PDE11A: variants seen among roughly 807,000 people sequenced by gnomAD.
PDE11A encodes the protein phosphodiesterase 11A.
In PDE11A, 100 loss-of-function variants were observed where a neutral mutation model predicts 100.5. The ratio of observed to expected loss-of-function variants is 1.00; its 90% confidence interval spans 0.85 to 1.18. The LOEUF (loss-of-function observed/expected upper bound fraction) is 1.18. Ranked by LOEUF, PDE11A falls within the 50% of genes most tolerant of loss-of-function variation. PDE11A has a pLI of 0.00. For synonymous variants in PDE11A, 381 were observed against 420.8 expected (o/e 0.91, Z 1.16); for missense variants, 1,141 against 1,152.6 (o/e 0.99, Z 0.15).
chr2:177,819,848 C>A (rs1391857697), intron 7 of PDE11A, among the ~76,000 whole-genome samples: 1 of 76,434 alleles, frequency 1.3e-5, no homozygotes, highest in African/African-American at 4.5e-5. Flanking sequence ...GAAGTCATTT[C>A]TCTTTCTCTC....
chr2:177,669,872 T>G (rs1375482504), intron 17 of PDE11A, among the ~76,000 whole-genome samples: 1 of 152,218 alleles, frequency 6.6e-6, no homozygotes, highest in East Asian at 1.9e-4. Flanking sequence ...GGAAAAGTTC[T>G]TATACAGAAA....
Position 177,898,100 on chromosome 2 carries a change from A to C in PDE11A, c.1260T>G (p.Cys420Trp). ...IMHRAQTLLK[C>W]ERCSVLLLED... ...CTAGGAGTAAAACAGAACAGCGTTC[A>C]CATTTCAGCAGAGTTTGGGCCCGAT... Residue 420 changes from cysteine (C) to tryptophan (W), a missense_variant, in exon 4 of 20, where the codon TGT becomes TGG. Physicochemically the swap from Cys to Trp is radical, Grantham distance 215. Coordinates refer to ENST00000286063, the MANE Select transcript of PDE11A (RefSeq NM_016953.4). 6.2e-7 allele frequency: 1 copy of C among 1,612,892 alleles called. No individual in the cohort carries two copies. The highest frequency in any genetic ancestry group is 8.5e-7 in the Non-Finnish European group (1 of 1,178,888).
chr2:177,983,997 AT>A (rs1476540513), intron 2 of PDE11A, among the ~76,000 whole-genome samples: 1 of 152,220 alleles, frequency 6.6e-6, no homozygotes, highest in African/African-American at 2.4e-5. Context: ...AATTAGCAAT[AT>A]ACCTTCTCTT....
rs1041693774 is a variant in PDE11A at position 177,625,777 on chromosome 2, T to C, written c.*3630A>G. 3.9e-5 allele frequency: 6 copies of C among 152,446 alleles called. No homozygotes were observed. Among genetic ancestry groups the C allele is most frequent in the Non-Finnish European group, 8.8e-5 (6 of 68,030 alleles). 9.4% of individuals were successfully genotyped at this position (152,446 alleles called of 1,614,324 possible). A position where few individuals can be genotyped will look rare whatever the true frequency, so the allele number is the denominator to read the frequency against. On this transcript the variant is annotated 3_prime_UTR_variant, in exon 20 of 20. Transcript: ENST00000286063. ...GGATAACTGCATATGCCTCACATTC[T>C]TGCAAAATTATAAATTGTTTAGAAA...
chr2:178,077,052 C>A (rs1197145566), upstream of PDE11A, among the ~76,000 whole-genome samples: 1 of 152,080 alleles, frequency 6.6e-6, no homozygotes, highest in Non-Finnish European at 1.5e-5. Flanking sequence ...GAGGGTAAGC[C>A]CAATATGCAA....
At chr2:177,786,520 G>C (rs1201061846) in intron 9 of PDE11A, among the ~76,000 whole-genome samples, 1 of 152,126 alleles carries the variant, frequency 6.6e-6, no homozygotes, top group Non-Finnish European at 1.5e-5. Flanking sequence ...CACCAGCAAC[G>C]GAACAAAGCT....
intron 5 of PDE11A, among the ~76,000 whole-genome samples, chr2:177,875,446 C>A (rs545267412): frequency 6.6e-6 from 1 of 151,746 alleles, no homozygotes; most frequent in African/African-American, 2.4e-5. Context: ...GGCACAATCT[C>A]GGCTCACTGC....
Position 177,649,540 on chromosome 2 carries a change from T to C in PDE11A, c.2646+14326A>G, listed in dbSNP as rs2080278475. Among the ~76,000 whole-genome samples, 5 of 152,292 alleles carry C rather than the reference T, an allele frequency of 3.3e-5. No individual in the cohort carries two copies. The South Asian group carries it at 1.0e-3, about 32-fold the overall frequency. The stretch of plus-strand genomic sequence containing the variant: ...ATATGGAGCAGGATATACACTATGC[T>C]CATATATGTTCATAGATACATATGC... On this transcript the variant is annotated intron_variant, in intron 19 of 19. Coordinates refer to ENST00000286063, the MANE Select transcript of PDE11A (RefSeq NM_016953.4).
chr2:177,840,339 A>G lies in PDE11A; in HGVS notation c.1412T>C (p.Ile471Thr), dbSNP rs750217364. The G allele has an allele frequency of 5.6e-6, 9 of 1,613,532 alleles. No homozygotes were observed. The South Asian group carries it at 6.6e-5, about 12-fold the overall frequency. The change falls in exon 6 of 20, where the codon ATA becomes ACA. Residue 471 changes from isoleucine (I) to threonine (T), a missense_variant. Physicochemically the swap from Ile to Thr is moderately conservative, Grantham distance 89. Coordinates refer to ENST00000286063, the MANE Select transcript of PDE11A (RefSeq NM_016953.4). ...MEKSSYSDWL[I>T]NNSIAELVAS... ...AACCAGCTCAGCAATGCTGTTATTTATTAGCCAGTCGGAGTATGATGATTT... is the reference window on the plus strand; with the variant it reads ...AACCAGCTCAGCAATGCTGTTATTTGTTAGCCAGTCGGAGTATGATGATTT...
chr2:177,827,310 T>C (rs1262458577), intron 6 of PDE11A, among the ~76,000 whole-genome samples: 1 of 152,254 alleles, frequency 6.6e-6, no homozygotes, highest in Non-Finnish European at 1.5e-5. Flanking sequence ...ACTCTGGGCA[T>C]TGGCCTTCCA....
At position 178,072,660 on chromosome 2, in the gene PDE11A, C is replaced by A; in HGVS notation, c.-223G>T. The A allele has an allele frequency of 6.9e-7, 1 of 1,452,400 alleles. No homozygotes were observed. Among genetic ancestry groups the A allele is most frequent in the Non-Finnish European group, 9.0e-7 (1 of 1,105,676 alleles). 90.0% of individuals were successfully genotyped at this position (1,452,400 alleles called of 1,614,324 possible). A position where few individuals can be genotyped will look rare whatever the true frequency, so the allele number is the denominator to read the frequency against. On this transcript the variant is annotated 5_prime_UTR_variant, in exon 1 of 20. Transcript: ENST00000286063. ...ACCCCGTGGTCCTGCTACTCCTGCT[C>A]CGCACAGGTGCCCAGCACTGAGCTG...
At chr2:177,855,683 G>A (rs2083820138) in intron 5 of PDE11A, among the ~76,000 whole-genome samples, 1 of 151,998 alleles carries the variant, frequency 6.6e-6, no homozygotes, top group African/African-American at 2.4e-5. Context: ...TATTTGACCT[G>A]ACTCAGGGCT....
chr2:177,883,969 C>G (rs1020563586), intron 4 of PDE11A, among the ~76,000 whole-genome samples: 1 of 152,202 alleles, frequency 6.6e-6, no homozygotes, highest in East Asian at 1.9e-4. Flanking sequence ...TTTCACTCCT[C>G]TGGCCCTTAA....
At chr2:178,105,861 A>C (rs1379931143) in intron 1 of PDE11A, 2 of 332,276 alleles carry the variant, frequency 6.0e-6, no homozygotes, top group East Asian at 1.1e-4. Context: ...TTCTGTCCAA[A>C]AAAAAAAAAG....
chr2:177,722,127 A>C (rs969962057), intron 12 of PDE11A, among the ~76,000 whole-genome samples: 1 of 152,130 alleles, frequency 6.6e-6, no homozygotes, highest in African/African-American at 2.4e-5. Context: ...TCAAGAATAA[A>C]TTCACTTTAA....
chr2:177,892,700 G>T (rs1287489958), intron 4 of PDE11A, among the ~76,000 whole-genome samples: 1 of 152,174 alleles, frequency 6.6e-6, no homozygotes, highest in African/African-American at 2.4e-5. Context: ...TGCTCACCCA[G>T]ACTGGCCTCT....
rs560165346 is a variant in PDE11A, at chr2:177,920,381, G to T, written c.1072-15194C>A. ...GTCAAAAGATATAAACAGGAAGTTT[G>T]CCAAAAAGAAACACAAATAGCTAAA... is the stretch of plus-strand genomic sequence containing the variant. On this transcript the variant is annotated intron_variant, in intron 2 of 19. Coordinates refer to ENST00000286063, the MANE Select transcript of PDE11A (RefSeq NM_016953.4). 9.8e-4 allele frequency among the ~76,000 whole-genome samples: 149 copies of T among 151,892 alleles called. 1 individual carries two copies. The highest frequency in any genetic ancestry group is 3.4e-3 in the African/African-American group (140 of 41,452).
intron 2 of PDE11A, among the ~76,000 whole-genome samples, chr2:178,089,981 C>T (rs78383039): frequency 0.05 from 7,635 of 152,252 alleles, 325 homozygotes; most frequent in East Asian, 0.19. Flanking sequence ...GCTGTTGTCC[C>T]ACCACACAAA....
intron 16 of PDE11A, among the ~76,000 whole-genome samples, chr2:177,680,505 G>C (rs1378094629): frequency 6.6e-6 from 1 of 152,064 alleles, no homozygotes; most frequent in Non-Finnish European, 1.5e-5. Context: ...CTGATTTCTA[G>C]GATGCAAAAA....
Sources: allele counts gnomAD v4.1 joint callset (sites outside exome capture counted in the v4.1 genomes callset), GRCh38; gene constraint gnomAD v4.1.1; transcripts MANE v1.5; gene names NCBI Gene and HGNC (gene_info 2026-07-23, HGNC 2026-07-21).